GRXCR1: variants seen among roughly 807,000 people sequenced by gnomAD.
GRXCR1 encodes the protein glutaredoxin and cysteine rich domain containing 1, also known as glutaredoxin domain-containing cysteine-rich protein 1.
Under a neutral mutation model 27.3 loss-of-function variants are expected in GRXCR1, and 27 were observed. That is an observed-to-expected ratio of 0.99 (90% CI 0.73 to 1.37). GRXCR1 has a LOEUF of 1.37. Ranked by LOEUF, GRXCR1 falls within the 40% of genes most tolerant of loss-of-function variation. The pLI is 0.00. For missense variants in GRXCR1, 379 were observed against 354.4 expected (o/e 1.07, Z -0.56); for synonymous variants, 122 against 131.1 (o/e 0.93, Z 0.47).
intron 2 of GRXCR1, 69 bp from the exon 3 acceptor site, chr4:43,020,285 T>A: frequency 1.0e-6 from 1 of 1,003,304 alleles, no homozygotes. Flanking sequence ...TAAGCTTTCC[T>A]TGTTAGAACT....
At chr4:42,916,220 C>T (rs1182328361) in intron 1 of GRXCR1, among the ~76,000 whole-genome samples, 1 of 151,818 alleles carries the variant, frequency 6.6e-6, no homozygotes, top group Admixed American at 6.6e-5. Flanking sequence ...AAGGAAGATA[C>T]CATGATGAAA....
Position 43,012,030 on chromosome 4 carries a change from A to G in GRXCR1, c.628-8324A>G, listed in dbSNP as rs138708597. 9.9e-5 allele frequency among the ~76,000 whole-genome samples: 15 copies of G among 152,284 alleles called. No homozygotes were observed. In the East Asian group the frequency reaches 2.9e-3, roughly 29 times the overall value. On this transcript the variant is annotated intron_variant, in intron 2 of 3. Transcript: ENST00000399770. ...TAATTGACACTTTGATCAACTAATT[A>G]TATTTCTCAATTATTCTCACTATGT... is the stretch of plus-strand genomic sequence containing the variant.
At chr4:43,024,916 A>G (rs989276955) in intron 3 of GRXCR1, among the ~76,000 whole-genome samples, 1 of 152,162 alleles carries the variant, frequency 6.6e-6, no homozygotes, top group Non-Finnish European at 1.5e-5. Flanking sequence ...AATGAGGTGT[A>G]TTGTCATAGA....
At chr4:42,980,469 G>T (rs1056074543) in intron 2 of GRXCR1, among the ~76,000 whole-genome samples, 1 of 151,274 alleles carries the variant, frequency 6.6e-6, no homozygotes, top group Non-Finnish European at 1.5e-5. Flanking sequence ...CCTGTTATTG[G>T]TTTCTAATTT....
At chr4:42,917,227 T>C (rs1361544613) in intron 1 of GRXCR1, among the ~76,000 whole-genome samples, 1 of 152,168 alleles carries the variant, frequency 6.6e-6, no homozygotes, top group Non-Finnish European at 1.5e-5. Context: ...TACAAAAATC[T>C]AATCTGATTT....
At chr4:42,921,172 C>T (rs1337167519) in intron 1 of GRXCR1, among the ~76,000 whole-genome samples, 1 of 151,844 alleles carries the variant, frequency 6.6e-6, no homozygotes, top group Non-Finnish European at 1.5e-5. Flanking sequence ...TAATATAGGC[C>T]CAAGGGAGCT....
intron 1 of GRXCR1, among the ~76,000 whole-genome samples, chr4:42,897,930 T>TTAA (rs1746385022): frequency 2.4e-5 from 1 of 42,342 alleles, no homozygotes; most frequent in African/African-American, 4.4e-5. Context: ...ACTATTATTA[T>TTAA]TATTATTATT....
intron 2 of GRXCR1, among the ~76,000 whole-genome samples, chr4:42,998,431 C>A (rs1037339667): frequency 4.6e-5 from 7 of 152,096 alleles, no homozygotes; most frequent in African/African-American, 1.7e-4. Flanking sequence ...TAAATACTAC[C>A]TCCACACATC....
At chr4:43,024,785 T>C (rs1301320166) in intron 3 of GRXCR1, among the ~76,000 whole-genome samples, 1 of 152,196 alleles carries the variant, frequency 6.6e-6, no homozygotes, top group Non-Finnish European at 1.5e-5. Flanking sequence ...ATTAAATTTT[T>C]GAATCTAGTT....
At chr4:43,021,666 T>C (rs183981621) in intron 3 of GRXCR1, among the ~76,000 whole-genome samples, 113 of 152,260 alleles carry the variant, frequency 7.4e-4, no homozygotes, top group Admixed American at 2.9e-3. Context: ...ATACAAACAA[T>C]AGAGTATGTT....
chr4:43,013,936 G>A (rs545472461), intron 2 of GRXCR1, among the ~76,000 whole-genome samples: 1 of 152,000 alleles, frequency 6.6e-6, no homozygotes, highest in South Asian at 2.1e-4. Context: ...TGGCCTCTAT[G>A]GGAAATTGTT....
intron 1 of GRXCR1, among the ~76,000 whole-genome samples, chr4:42,929,052 G>T (rs1227794916): frequency 6.6e-6 from 1 of 151,932 alleles, no homozygotes; most frequent in African/African-American, 2.4e-5. Flanking sequence ...TGAAACTCCA[G>T]ATATTACCTT....
chr4:42,904,781 T>A (rs925928930), intron 1 of GRXCR1, among the ~76,000 whole-genome samples: 9 of 152,028 alleles, frequency 5.9e-5, no homozygotes, highest in African/African-American at 2.2e-4. Context: ...GGTGCAAAGA[T>A]GAAAAAAGCA....
In GRXCR1 at chr4:42,965,391, AT is replaced by A. The variant is rs1351414759; in HGVS notation, c.627+2258del. 2.6e-5 allele frequency among the ~76,000 whole-genome samples: 4 copies of A among 152,154 alleles called. No individual in the cohort carries two copies. The East Asian group carries it at 7.7e-4, about 29-fold the overall frequency. Reference sequence around the variant, plus strand: ...ATTACTTCTAAATCTTTAATTCAAAATGGCAAACACTCCAAAACAACGAATT... The same window carrying A: ...ATTACTTCTAAATCTTTAATTCAAAAGGCAAACACTCCAAAACAACGAATT... On this transcript the variant is annotated intron_variant, in intron 2 of 3. Transcript: ENST00000399770.
rs970271846 is a variant in GRXCR1 at position 42,987,036 on chromosome 4, A to T, written c.627+23902A>T. On this transcript the variant is annotated intron_variant, in intron 2 of 3. Transcript: ENST00000399770. ...TGTGTGTGTGTGTGTGTGTGTGTTT[A>T]GGGGGTAAGTGTTGTGGGTGTGAAA... is the stretch of plus-strand genomic sequence containing the variant. 2.4e-3 allele frequency among the ~76,000 whole-genome samples: 271 copies of T among 110,662 alleles called. 1 individual carries two copies. The highest frequency in any genetic ancestry group is 9.1e-3 in the African/African-American group (265 of 29,248). The allele number at this position is 110,662 out of a possible 152,430, so 72.6% of individuals were successfully genotyped here.
intron 1 of GRXCR1, among the ~76,000 whole-genome samples, chr4:42,906,616 T>C (rs912184856): frequency 2.0e-5 from 3 of 152,158 alleles, no homozygotes; most frequent in Non-Finnish European, 2.9e-5. Flanking sequence ...CTTTCAGCAA[T>C]GCAGCTCCAG....
chr4:42,981,147 A>G (rs1748656013), intron 2 of GRXCR1, among the ~76,000 whole-genome samples: 1 of 125,208 alleles, frequency 8.0e-6, no homozygotes, highest in Admixed American at 7.6e-5. Flanking sequence ...GATTTTCTGT[A>G]GTGGTATTTT....
At chr4:43,027,494 G>A (rs1301434125) in intron 3 of GRXCR1, among the ~76,000 whole-genome samples, 1 of 152,192 alleles carries the variant, frequency 6.6e-6, no homozygotes, top group Non-Finnish European at 1.5e-5. Flanking sequence ...TGTAAGTGAT[G>A]TTGTAGGCCC....
intron 2 of GRXCR1, among the ~76,000 whole-genome samples, chr4:43,007,191 T>A (rs948272500): frequency 2.6e-5 from 4 of 152,226 alleles, no homozygotes; most frequent in Admixed American, 2.0e-4. Flanking sequence ...AGCATTCCAA[T>A]GAGGCCACCA....
Sources: allele counts gnomAD v4.1 joint callset (sites outside exome capture counted in the v4.1 genomes callset), GRCh38; gene constraint gnomAD v4.1.1; transcripts MANE v1.5; gene names NCBI Gene and HGNC (gene_info 2026-07-23, HGNC 2026-07-21).